MBNL1: variants seen among roughly 807,000 people sequenced by gnomAD.
The protein encoded by MBNL1 is muscleblind like splicing regulator 1.
In MBNL1, 8 loss-of-function variants were observed where a neutral mutation model predicts 42.2. That is an observed-to-expected ratio of 0.19 (90% confidence interval 0.11 to 0.34). The LOEUF (loss-of-function observed/expected upper bound fraction) is 0.34. Among genes scored for constraint, MBNL1 ranks in the 10% least tolerant of loss-of-function variants. The pLI is 1.00. For missense variants in MBNL1, 309 were observed against 495.3 expected (o/e 0.62, Z 3.57); for synonymous variants, 169 against 173.9 (o/e 0.97, Z 0.22).
At chr3:152,443,711 CT>C (rs1186094467) in intron 4 of MBNL1, among the ~76,000 whole-genome samples, 1 of 151,968 alleles carries the variant, frequency 6.6e-6, no homozygotes, top group African/African-American at 2.4e-5. Flanking sequence ...CTTGGTAATA[CT>C]TTTTTTCTTA....
At chr3:152,365,568 G>A (rs1025798908) in intron 2 of MBNL1, among the ~76,000 whole-genome samples, 1 of 152,082 alleles carries the variant, frequency 6.6e-6, no homozygotes, top group Non-Finnish European at 1.5e-5. Context: ...TAGAGGTTAA[G>A]TTAGTAATGT....
At chr3:152,435,860 A>G (rs1580431858) in intron 4 of MBNL1, among the ~76,000 whole-genome samples, 1 of 152,160 alleles carries the variant, frequency 6.6e-6, no homozygotes, top group Non-Finnish European at 1.5e-5. Flanking sequence ...TTGCTGGTTT[A>G]TAGGAATGCT....
At chr3:152,359,396 T>C (rs1400071486) in intron 2 of MBNL1, among the ~76,000 whole-genome samples, 4 of 152,240 alleles carry the variant, frequency 2.6e-5, no homozygotes, top group Non-Finnish European at 5.9e-5. Context: ...CCTGACTGTC[T>C]AGGTGAGATG....
At chr3:152,303,805 A>G (rs2061726606) in intron 2 of MBNL1, among the ~76,000 whole-genome samples, 1 of 152,126 alleles carries the variant, frequency 6.6e-6, no homozygotes, top group African/African-American at 2.4e-5. Flanking sequence ...ATACCCATTC[A>G]TTTTTCAGGT....
chr3:152,349,653 C>T (rs1182568545), intron 2 of MBNL1, among the ~76,000 whole-genome samples: 1 of 151,720 alleles, frequency 6.6e-6, no homozygotes, highest in Non-Finnish European at 1.5e-5. Flanking sequence ...TTTTTCATAG[C>T]GGTCCATCTT....
At chr3:152,288,575 G>A (rs900421613) in intron 1 of MBNL1, among the ~76,000 whole-genome samples, 4 of 152,044 alleles carry the variant, frequency 2.6e-5, no homozygotes, top group Non-Finnish European at 5.9e-5. Flanking sequence ...TAGATATAAT[G>A]TATTAAAAAA....
chr3:152,389,381 A>G (rs2097577784), intron 2 of MBNL1, among the ~76,000 whole-genome samples: 1 of 152,220 alleles, frequency 6.6e-6, no homozygotes, highest in African/African-American at 2.4e-5. Flanking sequence ...TAGCACAGGC[A>G]TGAGCCACAG....
chr3:152,314,474 G>A (rs958824897), intron 2 of MBNL1, among the ~76,000 whole-genome samples: 2 of 151,596 alleles, frequency 1.3e-5, no homozygotes, highest in African/African-American at 4.8e-5. Flanking sequence ...CTCCCGGGTT[G>A]AAGCGATTCT....
At chr3:152,437,177 ATTT>A (rs2099090042) in intron 4 of MBNL1, among the ~76,000 whole-genome samples, 1 of 152,206 alleles carries the variant, frequency 6.6e-6, no homozygotes, top group Non-Finnish European at 1.5e-5. Flanking sequence ...TCTGAAGCAT[ATTT>A]TTGAATGTTG....
chr3:152,268,518 C>G (rs1048553794), upstream of MBNL1: 1 of 337,854 alleles, frequency 3.0e-6, no homozygotes, highest in Non-Finnish European at 5.9e-6. Flanking sequence ...TCAAAATGAA[C>G]CCACTGGTGT....
At chr3:152,319,236 G>T (rs2074556051) in intron 2 of MBNL1, among the ~76,000 whole-genome samples, 2 of 152,066 alleles carry the variant, frequency 1.3e-5, no homozygotes, top group Admixed American at 1.3e-4. Context: ...AGTGTTCAAT[G>T]GTTTTGTTTA....
chr3:152,280,810 GTGT>G (rs2150334126), intron 1 of MBNL1, among the ~76,000 whole-genome samples: 1 of 152,190 alleles, frequency 6.6e-6, no homozygotes, highest in South Asian at 2.1e-4. Flanking sequence ...CAGCTGTGAC[GTGT>G]TGTTGTTTCC....
At chr3:152,387,048 C>T (rs1318979297) in intron 2 of MBNL1, among the ~76,000 whole-genome samples, 2 of 151,940 alleles carry the variant, frequency 1.3e-5, no homozygotes, top group African/African-American at 4.8e-5. Flanking sequence ...AGTTTTGAAC[C>T]CTTCTGAGAC....
intron 3 of MBNL1, among the ~76,000 whole-genome samples, chr3:152,419,550 A>G (rs1366051068): frequency 6.6e-6 from 1 of 152,114 alleles, no homozygotes; most frequent in South Asian, 2.1e-4. Flanking sequence ...CAGCCCAGAT[A>G]CTACACTTTT....
chr3:152,465,549 A>ATGT lies in MBNL1; in HGVS notation c.*3186_*3188dup, dbSNP rs1750138646. ...CAGCCTTCACTCCAGCTGGTTAAAA[A>ATGT]TGTTGCACTTATCAGCAACCCTACC... On this transcript the variant is annotated 3_prime_UTR_variant, in exon 10 of 10. Coordinates refer to ENST00000324210, the MANE Select transcript of MBNL1 (RefSeq NM_021038.5). The ATGT allele has an allele frequency of 6.5e-6, 1 of 152,676 alleles. No homozygotes were observed. Among genetic ancestry groups the ATGT allele is most frequent in the Admixed American group, 6.5e-5 (1 of 15,290 alleles). 9.5% of individuals were successfully genotyped at this position (152,676 alleles called of 1,614,324 possible). A position where few individuals can be genotyped will look rare whatever the true frequency, so the allele number is the denominator to read the frequency against.
intron 2 of MBNL1, among the ~76,000 whole-genome samples, chr3:152,369,267 T>A (rs937201864): frequency 6.6e-6 from 1 of 152,210 alleles, no homozygotes; most frequent in African/African-American, 2.4e-5. Flanking sequence ...ATTGGGATAA[T>A]CATGTAGTTT....
At chr3:152,420,196 A>G (rs773824001) in intron 3 of MBNL1, among the ~76,000 whole-genome samples, 1 of 152,142 alleles carries the variant, frequency 6.6e-6, no homozygotes, top group Non-Finnish European at 1.5e-5. Flanking sequence ...GCAGACTTAA[A>G]TGTTTATTTC....
intron 2 of MBNL1, among the ~76,000 whole-genome samples, chr3:152,373,448 C>G (rs957749162): frequency 6.6e-6 from 1 of 151,636 alleles, no homozygotes; most frequent in Non-Finnish European, 1.5e-5. Context: ...TGTCAGCACT[C>G]GAGGGAATCT....
At chr3:152,373,355 A>C (rs949248702) in intron 2 of MBNL1, among the ~76,000 whole-genome samples, 24 of 150,340 alleles carry the variant, frequency 1.6e-4, no homozygotes, top group Admixed American at 9.9e-4. Context: ...AAAAAAAAAA[A>C]AAAAAAAAAA....
Sources: allele counts gnomAD v4.1 joint callset (sites outside exome capture counted in the v4.1 genomes callset), GRCh38; gene constraint gnomAD v4.1.1; transcripts MANE v1.5; gene names NCBI Gene and HGNC (gene_info 2026-07-23, HGNC 2026-07-21).